CDH18: variants seen among roughly 807,000 people sequenced by gnomAD.
CDH18 encodes cadherin-18.
A neutral mutation model predicts 67.9 loss-of-function variants in CDH18; 31 were observed. That is an observed-to-expected ratio of 0.46 (90% CI 0.34 to 0.62). The LOEUF is 0.62. CDH18 is among the 20% of genes least tolerant of loss of function. The pLI, the probability that CDH18 is intolerant of heterozygous loss-of-function variation, is 0.01. For missense variants in CDH18, 890 were observed against 975.5 expected, an observed-to-expected ratio of 0.91 and a Z score of 1.17; for synonymous variants, 362 against 347.2, an observed-to-expected ratio of 1.04 and a Z score of -0.48.
intron 6 of CDH18, among the ~76,000 whole-genome samples, chr5:19,605,452 T>C (rs962244491): frequency 3.9e-5 from 6 of 151,964 alleles, no homozygotes; most frequent in African/African-American, 1.4e-4. Context: ...ATTTAATAAT[T>C]TCATCTTTAT....
intron 3 of CDH18, among the ~76,000 whole-genome samples, chr5:19,809,907 T>G (rs560187804): frequency 1.3e-5 from 2 of 152,176 alleles, no homozygotes; most frequent in East Asian, 3.9e-4. Context: ...GGATCAAATC[T>G]CCACTTCCAA....
At chr5:20,391,589 A>G (rs549787153) in intron 1 of CDH18, among the ~76,000 whole-genome samples, 1 of 152,062 alleles carries the variant, frequency 6.6e-6, no homozygotes, top group Non-Finnish European at 1.5e-5. Flanking sequence ...AGATTCTACT[A>G]TTAAGTTTCA....
intron 11 of CDH18, among the ~76,000 whole-genome samples, chr5:19,485,401 G>A (rs1163693817): frequency 3.9e-5 from 6 of 151,924 alleles, no homozygotes; most frequent in East Asian, 1.9e-4. Context: ...GACTACAGGC[G>A]CCTGCCAACA....
chr5:20,207,785 C>T (rs1000621548), intron 2 of CDH18, among the ~76,000 whole-genome samples: 6 of 151,890 alleles, frequency 4.0e-5, no homozygotes, highest in African/African-American at 1.2e-4. Context: ...AGATTTAATG[C>T]AATAATTATA....
In CDH18 at chr5:20,085,444, T is replaced by A. The variant is rs114261109; in HGVS notation, c.-517-93430A>T. Among the ~76,000 whole-genome samples, 333 of 152,260 alleles carry A rather than the reference T, an allele frequency of 2.2e-3. 5 individuals are homozygous for A. The highest frequency in any genetic ancestry group is 6.2e-3 in the African/African-American group (256 of 41,570). On this transcript the variant is annotated intron_variant, in intron 2 of 14. Transcript: ENST00000507958. ...TGCTTTCCTGTCTTCTACTGAGCCC[T>A]CCAAATTGTTCCAACATCTGCCTGT... is the stretch of plus-strand genomic sequence containing the variant.
chr5:19,686,318 A>G (rs1427877880), intron 5 of CDH18, among the ~76,000 whole-genome samples: 1 of 152,202 alleles, frequency 6.6e-6, no homozygotes, highest in Admixed American at 6.5e-5. Context: ...TGATTTAAAA[A>G]TTCACCAATA....
intron 1 of CDH18, among the ~76,000 whole-genome samples, chr5:20,345,434 A>G (rs1355591662): frequency 6.6e-6 from 1 of 152,192 alleles, no homozygotes; most frequent in Non-Finnish European, 1.5e-5. Flanking sequence ...AAACAGCTTT[A>G]GCCACAACAT....
intron 3 of CDH18, among the ~76,000 whole-genome samples, chr5:19,818,300 A>C (rs1409913155): frequency 6.6e-6 from 1 of 152,166 alleles, no homozygotes; most frequent in African/African-American, 2.4e-5. Flanking sequence ...TATCTCATGA[A>C]GACAAGAAGT....
intron 1 of CDH18, among the ~76,000 whole-genome samples, chr5:20,505,975 T>C (rs952021475): frequency 6.6e-6 from 1 of 152,080 alleles, no homozygotes; most frequent in African/African-American, 2.4e-5. Context: ...TGGCTTTGAA[T>C]TGTAACCTAT....
At chr5:20,051,615 G>T (rs1478545640) in intron 2 of CDH18, among the ~76,000 whole-genome samples, 1 of 151,912 alleles carries the variant, frequency 6.6e-6, no homozygotes, top group Admixed American at 6.6e-5. Flanking sequence ...TTAAACAACT[G>T]GGTGGGTAGT....
At chr5:19,502,642 G>C in intron 11 of CDH18, 2 of 460,690 alleles carry the variant, frequency 4.3e-6, no homozygotes, top group Non-Finnish European at 7.6e-6. Flanking sequence ...ACTGTCTCTA[G>C]GATATATTTT....
intron 2 of CDH18, among the ~76,000 whole-genome samples, chr5:19,851,353 A>T (rs1783665718): frequency 1.3e-5 from 2 of 150,728 alleles, no homozygotes; most frequent in Admixed American, 6.6e-5. Flanking sequence ...CTCTTATTAT[A>T]AAAAATTTAC....
chr5:20,053,275 G>GAT (rs975053344), intron 2 of CDH18, among the ~76,000 whole-genome samples: 38 of 149,954 alleles, frequency 2.5e-4, no homozygotes, highest in African/African-American at 2.4e-4. Flanking sequence ...ATATAGTATA[G>GAT]ATATATATAT....
chr5:20,472,439 C>A (rs1171956288), intron 1 of CDH18, among the ~76,000 whole-genome samples: 2 of 152,066 alleles, frequency 1.3e-5, no homozygotes, highest in Admixed American at 6.6e-5. Flanking sequence ...AATGTACCAC[C>A]TTGTGCCTGA....
At chr5:20,350,602 G>A (rs1323539886) in intron 1 of CDH18, among the ~76,000 whole-genome samples, 1 of 151,974 alleles carries the variant, frequency 6.6e-6, no homozygotes, top group East Asian at 1.9e-4. Flanking sequence ...TCATATCATG[G>A]GAATTTCTCA....
intron 2 of CDH18, among the ~76,000 whole-genome samples, chr5:20,093,285 C>T (rs1232133460): frequency 6.6e-6 from 1 of 151,910 alleles, no homozygotes; most frequent in Non-Finnish European, 1.5e-5. Context: ...CAATTACAAC[C>T]ACCACCCATC....
intron 2 of CDH18, among the ~76,000 whole-genome samples, chr5:20,125,101 G>A (rs1748707671): frequency 6.6e-6 from 1 of 152,142 alleles, no homozygotes; most frequent in African/African-American, 2.4e-5. Flanking sequence ...ACCAAGTATG[G>A]AAATAAAAGC....
chr5:20,550,151 C>T lies in CDH18; in HGVS notation c.-580+25311G>A, dbSNP rs146029146. On this transcript the variant is annotated intron_variant, in intron 1 of 14. Coordinates refer to the CDH18 transcript ENST00000507958. Reference sequence around the variant, plus strand: ...CGTTTAAAGATTGAACTACATACTACTGAGTTTAAAAGGATCTGGCTATTG... The same window carrying T: ...CGTTTAAAGATTGAACTACATACTATTGAGTTTAAAAGGATCTGGCTATTG... Among the ~76,000 whole-genome samples, 539 of 152,252 alleles carry T rather than the reference C, an allele frequency of 3.5e-3. 6 individuals are homozygous for T. The highest frequency in any genetic ancestry group is 0.012 in the African/African-American group (514 of 41,554).
chr5:20,314,590 T>G (rs1359934982), intron 1 of CDH18, among the ~76,000 whole-genome samples: 1 of 152,062 alleles, frequency 6.6e-6, no homozygotes, highest in Non-Finnish European at 1.5e-5. Flanking sequence ...TTTTGCCTAC[T>G]AAGAACTACT....
Sources: allele counts gnomAD v4.1 joint callset (sites outside exome capture counted in the v4.1 genomes callset), GRCh38; gene constraint gnomAD v4.1.1; transcripts MANE v1.5; gene names NCBI Gene and HGNC (gene_info 2026-07-23, HGNC 2026-07-21).